ATP8A1: variants seen among roughly 807,000 people sequenced by gnomAD.
The protein encoded by ATP8A1 is phospholipid-transporting ATPase IA.
In ATP8A1, 90 loss-of-function variants were observed where a neutral mutation model predicts 177.7. The ratio of observed to expected loss-of-function variants is 0.51; its 90% confidence interval spans 0.43 to 0.60. The LOEUF (loss-of-function observed/expected upper bound fraction) is 0.60. Among genes scored for constraint, ATP8A1 ranks in the 20% least tolerant of loss-of-function variants. The pLI, the probability that ATP8A1 is intolerant of heterozygous loss-of-function variation, is 0.00. For synonymous variants in ATP8A1, 493 were observed against 485.9 expected (o/e 1.01, Z -0.19); for missense variants, 1,072 against 1,392.8 (o/e 0.77, Z 3.67).
chr4:42,591,530 T>C (rs1734178055), intron 6 of ATP8A1, among the ~76,000 whole-genome samples: 1 of 152,146 alleles, frequency 6.6e-6, no homozygotes, highest in Non-Finnish European at 1.5e-5. Context: ...TTGAGTTACT[T>C]AGCAATTAAT....
intron 24 of ATP8A1, among the ~76,000 whole-genome samples, chr4:42,487,798 A>G (rs1424007620): frequency 6.6e-6 from 1 of 152,194 alleles, no homozygotes; most frequent in East Asian, 1.9e-4. Context: ...CCAAAATAAT[A>G]GAACCAAGTT....
chr4:42,495,863 T>C lies in ATP8A1; in HGVS notation c.2151+7587A>G, dbSNP rs187959929. ...AATCAATATATATTGCTAAAGATAA[T>C]GGGGAGAGGAAAAGAGAAAAAAAAT... On this transcript the variant is annotated intron_variant, in intron 24 of 36. Coordinates refer to ENST00000381668, the MANE Select transcript of ATP8A1 (RefSeq NM_006095.2). 8.9e-3 allele frequency among the ~76,000 whole-genome samples: 1,346 copies of C among 152,028 alleles called. 19 individuals are homozygous for C. The highest frequency in any genetic ancestry group is 0.053 in the South Asian group (255 of 4,814).
intron 20 of ATP8A1, among the ~76,000 whole-genome samples, chr4:42,539,299 T>C (rs952541257): frequency 6.6e-6 from 1 of 151,904 alleles, no homozygotes; most frequent in African/African-American, 2.4e-5. Flanking sequence ...AGACTACATA[T>C]TGGGTATCGC....
At chr4:42,473,689 A>G (rs1720724438) in intron 25 of ATP8A1, among the ~76,000 whole-genome samples, 1 of 152,102 alleles carries the variant, frequency 6.6e-6, no homozygotes, top group Non-Finnish European at 1.5e-5. Context: ...TCTGTCGCCC[A>G]GGCTGGAATG....
intron 1 of ATP8A1, among the ~76,000 whole-genome samples, chr4:42,639,601 C>G (rs1739750602): frequency 6.6e-6 from 1 of 152,148 alleles, no homozygotes; most frequent in South Asian, 2.1e-4. Flanking sequence ...CACCTAACTG[C>G]TCTAAATGAA....
intron 33 of ATP8A1, among the ~76,000 whole-genome samples, chr4:42,431,274 A>C (rs1715271015): frequency 6.6e-6 from 1 of 152,184 alleles, no homozygotes; most frequent in Non-Finnish European, 1.5e-5. Flanking sequence ...GTCAGACTCT[A>C]ATCTCTTTCT....
At chr4:42,581,799 A>G in intron 9 of ATP8A1, 67 bp from the exon 10 acceptor site, 1 of 1,169,128 alleles carries the variant, frequency 8.6e-7, no homozygotes, top group Non-Finnish European at 1.3e-6. Flanking sequence ...TAGTTACCAT[A>G]TAGTTACAAA....
At chr4:42,595,481 C>G (rs1734632595) in intron 6 of ATP8A1, among the ~76,000 whole-genome samples, 1 of 152,110 alleles carries the variant, frequency 6.6e-6, no homozygotes, top group African/African-American at 2.4e-5. Context: ...GTTGGACTAG[C>G]TGAAACTGGC....
intron 22 of ATP8A1, 104 bp from the exon 23 acceptor site, chr4:42,507,258 A>G: frequency 1.7e-6 from 2 of 1,178,918 alleles, no homozygotes; most frequent in East Asian, 2.4e-5. Flanking sequence ...CTAAATGATA[A>G]TTCATGGACT....
At chr4:42,434,269 T>C (rs1044539184) in intron 33 of ATP8A1, among the ~76,000 whole-genome samples, 4 of 152,210 alleles carry the variant, frequency 2.6e-5, no homozygotes, top group South Asian at 2.1e-4. Context: ...GATATCTCAG[T>C]GTTCAATATA....
chr4:42,647,421 G>T (rs1394446081), intron 1 of ATP8A1, among the ~76,000 whole-genome samples: 3 of 151,990 alleles, frequency 2.0e-5, no homozygotes, highest in Non-Finnish European at 4.4e-5. Flanking sequence ...ACTATAAAAT[G>T]CCCACCAGAT....
At chr4:42,479,996 T>TTGTGTGTGTGTG (rs376966152) in intron 25 of ATP8A1, among the ~76,000 whole-genome samples, 20,984 of 135,408 alleles carry the variant, frequency 0.15, 1,923 homozygotes, top group Non-Finnish European at 0.19. Context: ...GCAGTTCTGC[T>TTGTGTGTGTGTG]TGTGTGTGTG....
chr4:42,410,090 C>G lies in ATP8A1; in HGVS notation c.*2826G>C, dbSNP rs180801584. 4.8e-4 allele frequency: 73 copies of G among 152,274 alleles called. 1 individual carries two copies. The highest frequency in any genetic ancestry group is 1.8e-3 in the African/African-American group (73 of 41,560). 9.4% of individuals were successfully genotyped at this position (152,274 alleles called of 1,614,324 possible). On this transcript the variant is annotated 3_prime_UTR_variant, in exon 37 of 37. Transcript: ENST00000381668. ...GTGGGAGGACGGGAAGTACATATATCATTTAAAATTTACAACGTTCCTGAG... is the reference window on the plus strand; with the variant it reads ...GTGGGAGGACGGGAAGTACATATATGATTTAAAATTTACAACGTTCCTGAG...
intron 7 of ATP8A1, among the ~76,000 whole-genome samples, chr4:42,590,527 T>A (rs900509583): frequency 1.3e-5 from 2 of 152,098 alleles, no homozygotes; most frequent in African/African-American, 4.8e-5. Flanking sequence ...CGAATATATA[T>A]TAATGGTGCA....
chr4:42,638,509 A>G (rs1739615229), intron 1 of ATP8A1, among the ~76,000 whole-genome samples: 2 of 152,188 alleles, frequency 1.3e-5, no homozygotes, highest in African/African-American at 2.4e-5. Context: ...GTAAACAGTC[A>G]ATCTTGTTGG....
At chr4:42,535,875 C>A (rs1159896153) in intron 20 of ATP8A1, among the ~76,000 whole-genome samples, 2 of 152,140 alleles carry the variant, frequency 1.3e-5, no homozygotes, top group Non-Finnish European at 2.9e-5. Context: ...ACTGGGTCAA[C>A]AATGAAATCA....
intron 11 of ATP8A1, 100 bp downstream of exon 11, chr4:42,579,713 G>T: frequency 1.9e-6 from 2 of 1,079,814 alleles, no homozygotes; most frequent in Non-Finnish European, 2.7e-6. Flanking sequence ...TGGCAACAAG[G>T]TCTTTTTAGA....
intron 33 of ATP8A1, among the ~76,000 whole-genome samples, chr4:42,427,123 A>T (rs1714716192): frequency 6.6e-6 from 1 of 152,218 alleles, no homozygotes; most frequent in South Asian, 2.1e-4. Flanking sequence ...CTTTATATAA[A>T]AGGCTTCCAA....
At chr4:42,563,507 T>C (rs374333535) in intron 15 of ATP8A1, among the ~76,000 whole-genome samples, 27 of 152,328 alleles carry the variant, frequency 1.8e-4, no homozygotes, top group East Asian at 5.8e-4. Flanking sequence ...CTGCAGAAAT[T>C]TGCATAAGTA....
Sources: allele counts gnomAD v4.1 joint callset (sites outside exome capture counted in the v4.1 genomes callset), GRCh38; gene constraint gnomAD v4.1.1; transcripts MANE v1.5; gene names NCBI Gene and HGNC (gene_info 2026-07-23, HGNC 2026-07-21).